The following CCDC85C variants were observed in gnomAD, a reference collection of about 807,000 sequenced individuals.
The protein encoded by CCDC85C is coiled-coil domain-containing protein 85C.
In CCDC85C, 18 loss-of-function variants were observed where a neutral mutation model predicts 38.3. The observed-to-expected ratio is 0.47, with a 90% CI of 0.33 to 0.70. CCDC85C has a LOEUF of 0.70. Ranked by LOEUF, CCDC85C falls within the 30% of genes least tolerant of loss-of-function variation. The pLI is 0.03. For synonymous variants in CCDC85C, 264 were observed against 293.8 expected (o/e 0.90, Z 1.04); for missense variants, 566 against 621.2 (o/e 0.91, Z 0.94).
Position 99,545,966 on chromosome 14 carries a change from A to C in CCDC85C, c.794-9878T>G, listed in dbSNP as rs1160813625. Among the ~76,000 whole-genome samples the C allele has an allele frequency of 6.6e-6, 1 of 151,872 alleles. No individual in the cohort carries two copies. The highest frequency in any genetic ancestry group is 1.5e-5 in the Non-Finnish European group (1 of 67,978). ...GGGACCCTTTACCCTCCTGCCCCTG[A>C]CTATTAATTAGTGGAGCTGAACTCT... On this transcript the variant is annotated intron_variant, in intron 1 of 5. Coordinates refer to ENST00000380243, the MANE Select transcript of CCDC85C (RefSeq NM_001144995.2). This position sits in a 1 kb window ranked among gnomAD's most constrained non-coding sequence, Gnocchi z 4.7.
At chr14:99,570,412 G>T (rs1213050812) in intron 1 of CCDC85C, among the ~76,000 whole-genome samples, 3 of 152,288 alleles carry the variant, frequency 2.0e-5, no homozygotes, top group Admixed American at 2.0e-4. Context: ...TGCGTGCCTG[G>T]CCCCTGCCAC....
intron 2 of CCDC85C, among the ~76,000 whole-genome samples, chr14:99,523,181 C>T (rs974391754): frequency 1.3e-5 from 2 of 152,120 alleles, no homozygotes; most frequent in African/African-American, 2.4e-5. Context: ...ACTGCAGGGG[C>T]AGGGGAGGCC....
rs1897046649 is a variant in CCDC85C, at chr14:99,509,068, T to G, written c.*6178A>C. On this transcript the variant is annotated 3_prime_UTR_variant, in exon 6 of 6. Transcript: ENST00000380243. ...ACCTGTTACCGACCTGATGAAATCC[T>G]GCTCATGCTCGCTTTGGCAAGATCA... 6.6e-6 allele frequency: 1 copy of G among 152,256 alleles called. No homozygotes were observed. The highest frequency in any genetic ancestry group is 1.5e-5 in the Non-Finnish European group (1 of 68,054). 9.4% of individuals were successfully genotyped at this position (152,256 alleles called of 1,614,324 possible). A position where few individuals can be genotyped will look rare whatever the true frequency, so the allele number is the denominator to read the frequency against.
At chr14:99,522,472 T>A in intron 2 of CCDC85C, 1 of 433,646 alleles carries the variant, frequency 2.3e-6, no homozygotes, top group Non-Finnish European at 4.2e-6. Flanking sequence ...TTGTAAACAT[T>A]TGTTGGATGG....
intron 1 of CCDC85C, among the ~76,000 whole-genome samples, chr14:99,546,990 G>A (rs1378282788): frequency 3.3e-5 from 5 of 152,106 alleles, no homozygotes; most frequent in Non-Finnish European, 5.9e-5. Flanking sequence ...GCAACATAGC[G>A]AGACCCCATT....
intron 1 of CCDC85C, among the ~76,000 whole-genome samples, chr14:99,549,647 G>A (rs570079840): frequency 3.9e-4 from 60 of 152,336 alleles, no homozygotes; most frequent in Non-Finnish European, 6.5e-4. Context: ...CACTGTCCCC[G>A]AAATTAGGCA....
chr14:99,503,088 A>T lies in CCDC85C; in HGVS notation c.*12158T>A. The T allele has an allele frequency of 7.5e-7, 1 of 1,328,894 alleles. No homozygotes were observed. Among genetic ancestry groups the T allele is most frequent in the Non-Finnish European group, 1.1e-6 (1 of 923,960 alleles). 82.3% of individuals were successfully genotyped at this position (1,328,894 alleles called of 1,614,324 possible). A position where few individuals can be genotyped will look rare whatever the true frequency, so the allele number is the denominator to read the frequency against. ...AGCGAGCACAGGGAACACCGGAAGC[A>T]GGGGGTGTTCGCCGAAACTCGCAGT... On this transcript the variant is annotated 3_prime_UTR_variant, in exon 6 of 6. Transcript: ENST00000380243.
intron 1 of CCDC85C, among the ~76,000 whole-genome samples, chr14:99,553,238 C>T (rs1433872970): frequency 1.3e-5 from 2 of 152,210 alleles, no homozygotes; most frequent in Non-Finnish European, 1.5e-5. Flanking sequence ...CAGGCCAGAG[C>T]CCTGCAGCTC....
In CCDC85C at chr14:99,589,067, A is replaced by AT. The variant is rs1240627601; in HGVS notation, c.793+14099_793+14100insA. On this transcript the variant is annotated intron_variant, in intron 1 of 5. Transcript: ENST00000380243. ...CCCTAAAGCCCTCATATAAACAAAAACAGCTTCAGGAAAGAGGCCCAAGCA... is the reference window on the plus strand; with the variant it reads ...CCCTAAAGCCCTCATATAAACAAAAATCAGCTTCAGGAAAGAGGCCCAAGCA... 5.3e-5 allele frequency among the ~76,000 whole-genome samples: 8 copies of AT among 151,692 alleles called. No individual in the cohort carries two copies. In the East Asian group the frequency reaches 1.6e-3, roughly 30 times the overall value.
At position 99,509,526 on chromosome 14, in the gene CCDC85C, G is replaced by C. The variant is rs1234818976; in HGVS notation, c.*5720C>G. ...CACGCACACACACGCAGCACGCACA[G>C]ACATGCAGCACGCACGCAGCACGCA... On this transcript the variant is annotated 3_prime_UTR_variant, in exon 6 of 6. Coordinates refer to ENST00000380243, the MANE Select transcript of CCDC85C (RefSeq NM_001144995.2). 2 of 152,934 alleles carry C rather than the reference G, an allele frequency of 1.3e-5. No homozygotes were observed. The highest frequency in any genetic ancestry group is 2.9e-5 in the Non-Finnish European group (2 of 69,114). 9.5% of individuals were successfully genotyped at this position (152,934 alleles called of 1,614,324 possible). A position where few individuals can be genotyped will look rare whatever the true frequency, so the allele number is the denominator to read the frequency against.
At chr14:99,566,205 G>A (rs550726843) in intron 1 of CCDC85C, among the ~76,000 whole-genome samples, 5 of 152,336 alleles carry the variant, frequency 3.3e-5, no homozygotes, top group East Asian at 1.9e-4. Context: ...CTCGGTGGAC[G>A]ACTCACTCCT....
At chr14:99,557,734 G>T (rs776501061) in intron 1 of CCDC85C, among the ~76,000 whole-genome samples, 1 of 152,150 alleles carries the variant, frequency 6.6e-6, no homozygotes, top group Non-Finnish European at 1.5e-5. Context: ...GGCCAACATG[G>T]TGAAACCCCA....
At chr14:99,579,441 G>A (rs1389674192) in intron 1 of CCDC85C, among the ~76,000 whole-genome samples, 2 of 152,234 alleles carry the variant, frequency 1.3e-5, no homozygotes, top group African/African-American at 2.4e-5. Context: ...GGGACCTACA[G>A]GGGAGCTGGC....
chr14:99,559,307 G>A (rs1263020914), intron 1 of CCDC85C, among the ~76,000 whole-genome samples: 1 of 152,048 alleles, frequency 6.6e-6, no homozygotes, highest in Non-Finnish European at 1.5e-5. Flanking sequence ...AATTTCTGTT[G>A]TTTTAAGACC....
chr14:99,595,615 C>G (rs572580323), intron 1 of CCDC85C, among the ~76,000 whole-genome samples: 1 of 152,204 alleles, frequency 6.6e-6, no homozygotes, highest in Admixed American at 6.5e-5. Flanking sequence ...TCTGAGCTCC[C>G]AGCACACCTG....
At chr14:99,568,375 G>A (rs984536881) in intron 1 of CCDC85C, among the ~76,000 whole-genome samples, 2 of 151,716 alleles carry the variant, frequency 1.3e-5, no homozygotes, top group African/African-American at 4.8e-5. Flanking sequence ...TGGAGTGGTG[G>A]GGCCCCAGGT....
chr14:99,588,667 C>G lies in CCDC85C; in HGVS notation c.793+14500G>C, dbSNP rs959065351. Reference sequence around the variant, plus strand: ...CTGGCTGCCCTTTCTGGTCTGGGGTCAGGTCATTCCCCCACCCGTATAAGC... The same window carrying G: ...CTGGCTGCCCTTTCTGGTCTGGGGTGAGGTCATTCCCCCACCCGTATAAGC... On this transcript the variant is annotated intron_variant, in intron 1 of 5. Transcript: ENST00000380243. This position sits in a 1 kb window ranked among gnomAD's most constrained non-coding sequence, Gnocchi z 5.0. Among the ~76,000 whole-genome samples the G allele has an allele frequency of 1.3e-5, 2 of 152,002 alleles. No individual in the cohort carries two copies. The highest frequency in any genetic ancestry group is 2.9e-5 in the Non-Finnish European group (2 of 68,018).
At chr14:99,583,059 A>G (rs1365990509) in intron 1 of CCDC85C, 3 of 152,216 alleles carry the variant, frequency 2.0e-5, no homozygotes, top group African/African-American at 7.2e-5. Flanking sequence ...ATTGATCACA[A>G]TCAGTTATAG....
intron 1 of CCDC85C, among the ~76,000 whole-genome samples, chr14:99,586,316 G>C (rs539678623): frequency 6.6e-6 from 1 of 152,244 alleles, no homozygotes; most frequent in East Asian, 1.9e-4. Flanking sequence ...GCAGGCACCA[G>C]AGGCACAATC....
Sources: allele counts gnomAD v4.1 joint callset (sites outside exome capture counted in the v4.1 genomes callset), GRCh38; gene constraint gnomAD v4.1.1; non-coding constraint Gnocchi (gnomAD v3.1); transcripts MANE v1.5; gene names NCBI Gene and HGNC (gene_info 2026-07-23, HGNC 2026-07-21).